GABRB2: variants seen among roughly 807,000 people sequenced by gnomAD.
GABRB2 encodes gamma-aminobutyric acid type A receptor subunit beta2, also known as gamma-aminobutyric acid receptor subunit beta-2.
In GABRB2, 16 loss-of-function variants were observed where a neutral mutation model predicts 54.7. The ratio of observed to expected loss-of-function variants is 0.29; its 90% CI spans 0.20 to 0.44. The LOEUF is 0.44. Among genes scored for constraint, GABRB2 ranks in the 20% least tolerant of loss-of-function variants. The pLI is 1.00. For synonymous variants in GABRB2, 244 were observed against 233.8 expected, an observed-to-expected ratio of 1.04 and a Z score of -0.40; for missense variants, 355 against 644.0, an observed-to-expected ratio of 0.55 and a Z score of 4.86.
At chr5:161,426,585 C>A (rs1757004455) in intron 4 of GABRB2, among the ~76,000 whole-genome samples, 1 of 151,978 alleles carries the variant, frequency 6.6e-6, no homozygotes, top group Admixed American at 6.6e-5. Flanking sequence ...AGAAAAACAT[C>A]CCCTTGTACC....
chr5:161,310,334 A>T (rs1580968300), intron 9 of GABRB2, among the ~76,000 whole-genome samples: 2 of 152,342 alleles, frequency 1.3e-5, no homozygotes, highest in South Asian at 4.1e-4. Context: ...AAATAGAGAA[A>T]TGAAAGGAAA....
chr5:161,308,023 TA>T (rs1413592521), intron 9 of GABRB2, among the ~76,000 whole-genome samples: 1 of 151,930 alleles, frequency 6.6e-6, no homozygotes, highest in Non-Finnish European at 1.5e-5. Flanking sequence ...CACACCCGGC[TA>T]ATTTTTTTTT....
intron 3 of GABRB2, among the ~76,000 whole-genome samples, chr5:161,465,140 T>G (rs1433448884): frequency 6.6e-6 from 1 of 152,094 alleles, no homozygotes; most frequent in Non-Finnish European, 1.5e-5. Context: ...GTTCCTCTGA[T>G]GTGAACTTGA....
intron 5 of GABRB2, among the ~76,000 whole-genome samples, chr5:161,338,857 A>G (rs1461159652): frequency 2.0e-5 from 3 of 152,152 alleles, no homozygotes; most frequent in African/African-American, 7.2e-5. Flanking sequence ...CTAGGTATTA[A>G]GTGAATTGAA....
chr5:161,303,915 G>C (rs1757608201), intron 9 of GABRB2, among the ~76,000 whole-genome samples: 1 of 152,142 alleles, frequency 6.6e-6, no homozygotes, highest in Non-Finnish European at 1.5e-5. Flanking sequence ...CTAACTATAA[G>C]TTCAACAAAT....
rs536144771 is a variant in GABRB2 at position 161,383,412 on chromosome 5, A to G, written c.541+27563T>C. Among the ~76,000 whole-genome samples, 5 of 152,200 alleles carry G rather than the reference A, an allele frequency of 3.3e-5. No homozygotes were observed. The South Asian group carries it at 1.0e-3, about 32-fold the overall frequency. ...TAAATTTTTATTATGGATGATTCCAAACATATAATCAAGAAAATAACTTAC... is the reference window on the plus strand; with the variant it reads ...TAAATTTTTATTATGGATGATTCCAGACATATAATCAAGAAAATAACTTAC... On this transcript the variant is annotated intron_variant, in intron 5 of 9. Transcript: ENST00000393959.
chr5:161,337,050 AG>A (rs1362484317), intron 5 of GABRB2, among the ~76,000 whole-genome samples: 2 of 152,164 alleles, frequency 1.3e-5, no homozygotes, highest in African/African-American at 4.8e-5. Context: ...AACTAGGAAT[AG>A]TATAGTTGGG....
intron 4 of GABRB2, among the ~76,000 whole-genome samples, chr5:161,448,051 T>C (rs1757685266): frequency 6.6e-6 from 1 of 152,168 alleles, no homozygotes; most frequent in Non-Finnish European, 1.5e-5. Context: ...CTCAAAGGGA[T>C]AATGATGTTT....
intron 4 of GABRB2, among the ~76,000 whole-genome samples, chr5:161,433,571 C>T (rs1016593607): frequency 2.6e-5 from 4 of 151,906 alleles, no homozygotes; most frequent in Admixed American, 2.6e-4. Context: ...GATCCTGTCA[C>T]TGCACTCCAG....
At chr5:161,501,967 A>G (rs1759458738) in intron 3 of GABRB2, among the ~76,000 whole-genome samples, 1 of 148,618 alleles carries the variant, frequency 6.7e-6, no homozygotes, top group East Asian at 1.9e-4. Flanking sequence ...AATATAATAT[A>G]AATTACTTTA....
chr5:161,352,270 T>C (rs1365816053), intron 5 of GABRB2, among the ~76,000 whole-genome samples: 1 of 151,984 alleles, frequency 6.6e-6, no homozygotes, highest in East Asian at 1.9e-4. Flanking sequence ...CACTGAAATA[T>C]TATTTATAAT....
intron 9 of GABRB2, among the ~76,000 whole-genome samples, chr5:161,316,764 A>G (rs1341644752): frequency 6.6e-6 from 1 of 151,986 alleles, no homozygotes; most frequent in Non-Finnish European, 1.5e-5. Context: ...GGTGCCTGCC[A>G]TTATGCCTGG....
intron 9 of GABRB2, among the ~76,000 whole-genome samples, chr5:161,320,043 CCT>C (rs5872705): frequency 0.1 from 15,217 of 151,602 alleles, 976 homozygotes; most frequent in Non-Finnish European, 0.14. Context: ...ATATTGTCTT[CCT>C]CTTTGTTTCC....
chr5:161,530,348 C>T (rs1461085052), intron 3 of GABRB2, among the ~76,000 whole-genome samples: 1 of 152,054 alleles, frequency 6.6e-6, no homozygotes, highest in African/African-American at 2.4e-5. Flanking sequence ...AACTGGACTA[C>T]CTGGTGATAA....
At chr5:161,376,333 T>C (rs985218323) in intron 5 of GABRB2, among the ~76,000 whole-genome samples, 3 of 152,120 alleles carry the variant, frequency 2.0e-5, no homozygotes, top group African/African-American at 7.2e-5. Flanking sequence ...AATGTTTGAA[T>C]TAGAATCAAC....
At chr5:161,498,894 G>T (rs2113372586) in intron 3 of GABRB2, among the ~76,000 whole-genome samples, 1 of 152,262 alleles carries the variant, frequency 6.6e-6, no homozygotes, top group African/African-American at 2.4e-5. Flanking sequence ...ATCTTAAGCA[G>T]TAGAGCATAT....
intron 3 of GABRB2, among the ~76,000 whole-genome samples, chr5:161,542,005 G>A (rs1347940410): frequency 6.6e-6 from 1 of 152,146 alleles, no homozygotes; most frequent in African/African-American, 2.4e-5. Flanking sequence ...GTAGGGCTGT[G>A]AATTGGCCCA....
chr5:161,495,438 C>T (rs1220885729), intron 3 of GABRB2, among the ~76,000 whole-genome samples: 1 of 151,428 alleles, frequency 6.6e-6, no homozygotes, highest in African/African-American at 2.4e-5. Flanking sequence ...GCCATTAGAC[C>T]TTATGAAAAA....
chr5:161,370,690 C>G (rs990676415), intron 5 of GABRB2, among the ~76,000 whole-genome samples: 1 of 152,118 alleles, frequency 6.6e-6, no homozygotes, highest in East Asian at 1.9e-4. Context: ...ATAAACTTAA[C>G]AATTTAATAG....
Sources: gnomAD v4.1 joint callset for allele counts (sites outside exome capture counted in the v4.1 genomes callset) on GRCh38, gnomAD v4.1.1 for gene constraint, MANE v1.5 for transcripts, NCBI Gene and HGNC (gene_info 2026-07-23, HGNC 2026-07-21) for gene names.